PTPRD: variants seen among roughly 807,000 people sequenced by gnomAD.
The protein encoded by PTPRD is protein tyrosine phosphatase receptor type D, also known as receptor-type tyrosine-protein phosphatase delta.
PTPRD carries 34 observed loss-of-function variants against 214.5 expected under a neutral mutation model. That is an observed-to-expected ratio of 0.16 (90% CI 0.12 to 0.21). The LOEUF (loss-of-function observed/expected upper bound fraction) is 0.21. Ranked by LOEUF, PTPRD falls within the 10% of genes least tolerant of loss-of-function variation. The probability of loss-of-function intolerance (pLI) is 1.00; values close to 1 mark genes in which losing one functional copy is unlikely to be tolerated. For synonymous variants in PTPRD, 1,128 were observed against 845.7 expected (o/e 1.33, Z -5.79); for missense variants, 2,545 against 2,398.7 (o/e 1.06, Z -1.27).
At chr9:9,169,325 C>G (rs1032359844) in intron 10 of PTPRD, among the ~76,000 whole-genome samples, 2 of 152,138 alleles carry the variant, frequency 1.3e-5, no homozygotes, top group Non-Finnish European at 2.9e-5. Context: ...AGTTCCTATA[C>G]TCAGTGTTTC....
At chr9:9,026,518 T>C (rs2099587590) in intron 10 of PTPRD, among the ~76,000 whole-genome samples, 1 of 151,994 alleles carries the variant, frequency 6.6e-6, no homozygotes, top group African/African-American at 2.4e-5. Context: ...CACAGCAAGG[T>C]AGTCATGGAG....
chr9:9,214,808 C>G, intron 9 of PTPRD, among the ~76,000 whole-genome samples: 1 of 152,100 alleles, frequency 6.6e-6, no homozygotes, highest in Non-Finnish European at 1.5e-5. Context: ...AATATATTAA[C>G]TCATGTAGTT....
At chr9:8,593,247 G>C (rs1234290485) in intron 14 of PTPRD, among the ~76,000 whole-genome samples, 1 of 152,138 alleles carries the variant, frequency 6.6e-6, no homozygotes, top group Non-Finnish European at 1.5e-5. Flanking sequence ...GTCAAATTTT[G>C]CTAAGGATGG....
intron 10 of PTPRD, among the ~76,000 whole-genome samples, chr9:9,060,963 C>T (rs1390733370): frequency 6.6e-6 from 1 of 152,144 alleles, no homozygotes; most frequent in African/African-American, 2.4e-5. Context: ...ACTGTGGAAT[C>T]TCACAATCAG....
intron 35 of PTPRD, among the ~76,000 whole-genome samples, chr9:8,405,079 C>G (rs1226425483): frequency 1.3e-5 from 2 of 152,136 alleles, no homozygotes; most frequent in Non-Finnish European, 2.9e-5. Flanking sequence ...TTTAAGTTAA[C>G]TGGTCTTTCA....
chr9:9,255,035 T>A (rs1410988815), intron 9 of PTPRD, among the ~76,000 whole-genome samples: 1 of 151,998 alleles, frequency 6.6e-6, no homozygotes, highest in Non-Finnish European at 1.5e-5. Flanking sequence ...TGTGGCTACA[T>A]AAAGAACAAA....
intron 21 of PTPRD, among the ~76,000 whole-genome samples, chr9:8,513,841 C>T (rs1479771588): frequency 1.3e-5 from 2 of 152,012 alleles, no homozygotes; most frequent in Non-Finnish European, 2.9e-5. Context: ...AATCATTGTG[C>T]TATTTTGGAA....
chr9:8,685,994 T>A (rs2097673831), intron 12 of PTPRD, among the ~76,000 whole-genome samples: 1 of 152,170 alleles, frequency 6.6e-6, no homozygotes, highest in Admixed American at 6.5e-5. Context: ...CCAGTCTGGC[T>A]CTTGGGGAGA....
At chr9:9,998,120 A>AT (rs1321723402) in intron 4 of PTPRD, among the ~76,000 whole-genome samples, 2,021 of 69,774 alleles carry the variant, frequency 0.029, 65 homozygotes, top group East Asian at 0.12. Context: ...TATAATAAAA[A>AT]AAAAAAAAAA....
intron 9 of PTPRD, among the ~76,000 whole-genome samples, chr9:9,244,001 C>CAAAT: frequency 6.6e-6 from 1 of 152,098 alleles, no homozygotes; most frequent in Non-Finnish European, 1.5e-5. Flanking sequence ...CAATAACAGA[C>CAAAT]AGAGAGCCAA....
intron 8 of PTPRD, among the ~76,000 whole-genome samples, chr9:9,513,979 G>T (rs2096774395): frequency 6.6e-6 from 1 of 152,032 alleles, no homozygotes; most frequent in Admixed American, 6.6e-5. Flanking sequence ...GGCCAGAAAG[G>T]CTGTGGCCAT....
intron 2 of PTPRD, among the ~76,000 whole-genome samples, chr9:10,363,475 C>G (rs955472826): frequency 1.3e-5 from 2 of 152,196 alleles, no homozygotes; most frequent in Admixed American, 6.5e-5. Flanking sequence ...CTCACTGCTA[C>G]TGGAATTGTC....
chr9:9,700,915 C>T (rs1279576026), intron 7 of PTPRD, among the ~76,000 whole-genome samples: 1 of 151,898 alleles, frequency 6.6e-6, no homozygotes, highest in African/African-American at 2.4e-5. Flanking sequence ...GTAAACAAAC[C>T]ATTACAATAC....
chr9:9,452,298 C>A (rs1310385404), intron 8 of PTPRD, among the ~76,000 whole-genome samples: 3 of 151,366 alleles, frequency 2.0e-5, no homozygotes, highest in African/African-American at 7.3e-5. Context: ...ACCTGGAATT[C>A]TATACTCATT....
chr9:8,478,748 T>A (rs2096819640), intron 30 of PTPRD, among the ~76,000 whole-genome samples: 1 of 152,192 alleles, frequency 6.6e-6, no homozygotes, highest in Admixed American at 6.5e-5. Context: ...AGCCTTTCTG[T>A]GAGGGAACTC....
intron 12 of PTPRD, among the ~76,000 whole-genome samples, chr9:8,677,939 A>G (rs534740884): frequency 6.6e-6 from 1 of 152,160 alleles, no homozygotes; most frequent in South Asian, 2.1e-4. Context: ...TGCCTTTTGT[A>G]TCTCAGCCTC....
chr9:9,159,385 T>G lies in PTPRD; in HGVS notation c.-143+23919A>C, dbSNP rs930922356. Reference sequence around the variant, plus strand: ...ATTGTTGCAGGATATAAAATCAATATCCACAAATTAGTAGTGTTTCTATAT... The same window carrying G: ...ATTGTTGCAGGATATAAAATCAATAGCCACAAATTAGTAGTGTTTCTATAT... On this transcript the variant is annotated intron_variant, in intron 10 of 45. Transcript: ENST00000381196. Among the ~76,000 whole-genome samples the G allele has an allele frequency of 7.9e-5, 12 of 152,212 alleles. No individual in the cohort carries two copies. In the South Asian group the frequency reaches 1.9e-3, roughly 24 times the overall value.
intron 5 of PTPRD, among the ~76,000 whole-genome samples, chr9:9,809,519 C>A (rs2046480348): frequency 6.6e-6 from 1 of 152,146 alleles, no homozygotes; most frequent in Non-Finnish European, 1.5e-5. Context: ...CTGCCTCGGC[C>A]TCCCAAAGTG....
At chr9:8,541,775 C>T (rs1327069187) in intron 14 of PTPRD, among the ~76,000 whole-genome samples, 1 of 152,158 alleles carries the variant, frequency 6.6e-6, no homozygotes, top group Non-Finnish European at 1.5e-5. Context: ...AAGTTTACAA[C>T]TATGATTTAT....
Sources: gnomAD v4.1 joint callset for allele counts (sites outside exome capture counted in the v4.1 genomes callset) on GRCh38, gnomAD v4.1.1 for gene constraint, MANE v1.5 for transcripts, NCBI Gene and HGNC (gene_info 2026-07-23, HGNC 2026-07-21) for gene names.